Variants in WASF3 observed in about 807,000 individuals in gnomAD.
The protein encoded by WASF3 is actin-binding protein WASF3.
A neutral mutation model predicts 46.6 loss-of-function variants in WASF3; 11 were observed. The observed-to-expected ratio is 0.24, with a 90% CI of 0.15 to 0.39. The LOEUF is 0.39. Among genes scored for constraint, WASF3 ranks in the 10% least tolerant of loss-of-function variants. WASF3 has a pLI of 1.00. For synonymous variants in WASF3, 242 were observed against 259.7 expected, an observed-to-expected ratio of 0.93 and a Z score of 0.65; for missense variants, 576 against 669.8, an observed-to-expected ratio of 0.86 and a Z score of 1.55.
At position 26,682,673 on chromosome 13, in the gene WASF3, T is replaced by C. The variant is rs958725125; in HGVS notation, c.1050T>C (p.Pro350=). 1 of 1,614,142 alleles carries C rather than the reference T, an allele frequency of 6.2e-7. No homozygotes were observed. Among genetic ancestry groups the C allele is most frequent in the Non-Finnish European group, 8.5e-7 (1 of 1,180,032 alleles). ...GACCACCTCCTCCGCCACCTCCTCC[T>C]GTGATTCCCTCAGCACAAACTGCCT... ...PSGPPPPPPP[P]VIPSAQTAFV... is the part of the protein sequence containing the mutation. Residue 350 remains proline (P), a synonymous_variant, in exon 9 of 10, where the codon CCT becomes CCC. Coordinates refer to ENST00000335327, the MANE Select transcript of WASF3 (RefSeq NM_006646.6). The surrounding 1 kb of genome is among the most constrained non-coding windows in gnomAD (Gnocchi z 4.4).
chr13:26,660,993 C>T (rs1252191040), intron 3 of WASF3, among the ~76,000 whole-genome samples: 1 of 152,120 alleles, frequency 6.6e-6, no homozygotes, highest in East Asian at 1.9e-4. Flanking sequence ...CCGCCAGGCT[C>T]TTTTTAACAG....
intron 1 of WASF3, among the ~76,000 whole-genome samples, chr13:26,567,503 G>A (rs1879500740): frequency 6.6e-6 from 1 of 152,030 alleles, no homozygotes. Context: ...TATTTGTCTG[G>A]GGTTGCTTTA....
rs753903578 is a variant in WASF3 at position 26,685,798 on chromosome 13, G to A, written c.1462G>A (p.Asp488Asn). The A allele has an allele frequency of 3.7e-6, 6 of 1,614,136 alleles. No homozygotes were observed. Among genetic ancestry groups the A allele is most frequent in the Non-Finnish European group, 3.4e-6 (4 of 1,179,968 alleles). Residue 488 changes from aspartate to asparagine, a missense_variant, in exon 10 of 10, where the codon GAC (aspartate) becomes AAC (asparagine). This residue lies in a region of WASF3 where 68 missense variants were observed against 100.3 expected (regional missense o/e 0.68). Coordinates refer to ENST00000335327, the MANE Select transcript of WASF3 (RefSeq NM_006646.6). ...LSRRIAVEYS[D>N]SDDDSEFDEN... ...CCGGCGCATTGCCGTGGAGTACAGC[G>A]ACTCTGACGACGACTCAGAGTTCGA...
At chr13:26,592,607 T>G (rs1379965343) in intron 1 of WASF3, among the ~76,000 whole-genome samples, 1 of 152,130 alleles carries the variant, frequency 6.6e-6, no homozygotes, top group Non-Finnish European at 1.5e-5. Context: ...AGGATCCAGC[T>G]CCCACCCTAT....
At chr13:26,675,267 G>C (rs1427733858) in intron 6 of WASF3, among the ~76,000 whole-genome samples, 2 of 152,054 alleles carry the variant, frequency 1.3e-5, no homozygotes, top group Non-Finnish European at 2.9e-5. Context: ...CTGCCTTTCA[G>C]ATCTTGGGCC....
chr13:26,657,257 C>T (rs530907829), intron 3 of WASF3, among the ~76,000 whole-genome samples: 8 of 152,286 alleles, frequency 5.3e-5, no homozygotes, highest in African/African-American at 1.7e-4. Context: ...CGGGGTAGAG[C>T]GCAGGTTCTA....
chr13:26,668,351 C>T (rs924729711), intron 5 of WASF3, among the ~76,000 whole-genome samples: 1 of 152,232 alleles, frequency 6.6e-6, no homozygotes, highest in Non-Finnish European at 1.5e-5. Context: ...CTCTTTCACA[C>T]ACTGTCTCTC....
the WASF3 span, among the ~76,000 whole-genome samples, chr13:26,545,189 C>T: frequency 6.6e-6 from 1 of 152,170 alleles, no homozygotes. Flanking sequence ...TTGCTTTCTG[C>T]TGATTTTCTT....
At chr13:26,553,979 A>C, upstream of WASF3, among the ~76,000 whole-genome samples, 1 of 151,382 alleles carries the variant, frequency 6.6e-6, no homozygotes, top group Admixed American at 6.6e-5. Context: ...ACCTCCCCAA[A>C]ACTTTTTCTT....
At position 26,615,227 on chromosome 13, in the gene WASF3, A is replaced by G. The variant is rs575463222; in HGVS notation, c.-11+2169A>G. Reference sequence around the variant, plus strand: ...TTGACCTTCATGTTAGAATGTACATATTAAATAAATGTTCAGTGATCTCCT... The same window carrying G: ...TTGACCTTCATGTTAGAATGTACATGTTAAATAAATGTTCAGTGATCTCCT... On this transcript the variant is annotated intron_variant, in intron 2 of 9. Transcript: ENST00000335327. Among the ~76,000 whole-genome samples the G allele has an allele frequency of 8.0e-4, 122 of 152,224 alleles. 1 individual carries two copies. Among genetic ancestry groups the G allele is most frequent in the African/African-American group, 2.8e-3 (118 of 41,560 alleles).
At chr13:26,617,010 C>T (rs908641867) in intron 2 of WASF3, among the ~76,000 whole-genome samples, 4 of 152,196 alleles carry the variant, frequency 2.6e-5, no homozygotes, top group African/African-American at 9.7e-5. Flanking sequence ...ATTGTGCTTA[C>T]TGTGTGATTG....
intron 2 of WASF3, chr13:26,638,330 C>T (rs1881893358): frequency 1.3e-5 from 2 of 152,204 alleles, no homozygotes; most frequent in South Asian, 4.1e-4. Flanking sequence ...TGTCTGGGAT[C>T]TAGTTCACAG....
At chr13:26,675,650 C>CTGTGTGTGTGTATGTGTGTGTG (rs1883046630) in intron 6 of WASF3, among the ~76,000 whole-genome samples, 2 of 147,076 alleles carry the variant, frequency 1.4e-5, no homozygotes, top group South Asian at 4.5e-4. Flanking sequence ...GATGCCATGT[C>CTGTGTGTGTGTATGTGTGTGTG]TGTGTGTGTG....
chr13:26,577,579 T>C (rs1198383473), intron 1 of WASF3: 2 of 1,138,434 alleles, frequency 1.8e-6, no homozygotes, highest in Admixed American at 1.7e-5. Flanking sequence ...TGGAGCTTCA[T>C]GGTGAAGGCA....
intron 2 of WASF3, among the ~76,000 whole-genome samples, chr13:26,631,546 C>G (rs1440797029): frequency 2.6e-5 from 4 of 152,136 alleles, no homozygotes; most frequent in African/African-American, 9.7e-5. Flanking sequence ...TGTTTTGGTA[C>G]CAGTACCATG....
At chr13:26,578,837 ATCTTT>A (rs1879881411) in intron 1 of WASF3, among the ~76,000 whole-genome samples, 1 of 151,968 alleles carries the variant, frequency 6.6e-6, no homozygotes, top group African/African-American at 2.4e-5. Context: ...ATCATTTAAC[ATCTTT>A]TCTTTAACAA....
Position 26,685,831 on chromosome 13 carries a change from G to A in WASF3, c.1495G>A (p.Asp499Asn), listed in dbSNP as rs998700219. 9 of 1,612,850 alleles carry A rather than the reference G, an allele frequency of 5.6e-6. No individual in the cohort carries two copies. Among genetic ancestry groups the A allele is most frequent in the Non-Finnish European group, 7.6e-6 (9 of 1,178,992 alleles). ...SDDDSEFDEN[D>N]WSD is the part of the protein sequence containing the mutation. ...CGACGACTCAGAGTTCGACGAGAAC[G>A]ACTGGTCCGACTGAGCAAAGGCCGG... Residue 499 changes from aspartate (D) to asparagine (N), a missense_variant, in exon 10 of 10, where the codon GAC becomes AAC. Physicochemically the swap from Asp to Asn is conservative, Grantham distance 23. Transcript: ENST00000335327.
At position 26,563,565 on chromosome 13, in the gene WASF3, G is replaced by A. The variant is rs371363446; in HGVS notation, c.-109+5746G>A. The stretch of plus-strand genomic sequence containing the variant: ...AGCTTCTAGGGAGGGTGAGGCAGGA[G>A]AATTGCTTGAACCCGGGAGGCAGAG... On this transcript the variant is annotated intron_variant, in intron 1 of 9. Coordinates refer to ENST00000335327, the MANE Select transcript of WASF3 (RefSeq NM_006646.6). Among the ~76,000 whole-genome samples, 162 of 135,972 alleles carry A rather than the reference G, an allele frequency of 1.2e-3. 3 individuals carry two copies. Among genetic ancestry groups the A allele is most frequent in the South Asian group, 7.1e-3 (29 of 4,070 alleles). The allele number at this position is 135,972 out of a possible 152,430, so 89.2% of individuals were successfully genotyped here. A position where few individuals can be genotyped will look rare whatever the true frequency, so the allele number is the denominator to read the frequency against.
intron 1 of WASF3, among the ~76,000 whole-genome samples, chr13:26,574,195 T>C (rs1276275929): frequency 6.6e-6 from 1 of 152,244 alleles, no homozygotes; most frequent in Non-Finnish European, 1.5e-5. Flanking sequence ...ATATTCTCTG[T>C]TACCAGAGTG....
Sources: gnomAD v4.1 joint callset for allele counts (sites outside exome capture counted in the v4.1 genomes callset) on GRCh38, gnomAD v4.1.1 for gene constraint, gnomAD v4.1.1 regional missense constraint, Gnocchi (gnomAD v3.1) non-coding constraint, MANE v1.5 for transcripts, NCBI Gene and HGNC (gene_info 2026-07-23, HGNC 2026-07-21) for gene names.